The following RBFOX2 variants were observed in gnomAD, a reference collection of about 807,000 sequenced individuals.
RBFOX2 encodes RNA binding fox-1 homolog 2.
In RBFOX2, 10 loss-of-function variants were observed where a neutral mutation model predicts 49.1. The observed-to-expected ratio is 0.20, with a 90% CI of 0.13 to 0.35. The LOEUF (loss-of-function observed/expected upper bound fraction) is 0.35. Among genes scored for constraint, RBFOX2 ranks in the 10% least tolerant of loss-of-function variants. The probability of loss-of-function intolerance (pLI) is 1.00; values close to 1 mark genes in which losing one functional copy is unlikely to be tolerated. For missense variants in RBFOX2, 323 were observed against 486.9 expected (o/e 0.66, Z 3.17); for synonymous variants, 183 against 187.4 (o/e 0.98, Z 0.19).
intron 1 of RBFOX2, among the ~76,000 whole-genome samples, chr22:35,929,455 A>G (rs2052084931): frequency 6.6e-6 from 1 of 152,144 alleles, no homozygotes; most frequent in Non-Finnish European, 1.5e-5. Flanking sequence ...ATATCTACCA[A>G]CTGGTAAACA....
Position 35,966,935 on chromosome 22 carries a change from C to T in RBFOX2, c.187-28038G>A, listed in dbSNP as rs556639258. 6.6e-5 allele frequency among the ~76,000 whole-genome samples: 10 copies of T among 151,872 alleles called. No individual in the cohort carries two copies. In the South Asian group the frequency reaches 1.3e-3, roughly 19 times the overall value. ...TCAAGCAATCCTCCTTCCTCAGACT[C>T]TGGAGTAGTTGGAACAATAGGCACA... On this transcript the variant is annotated intron_variant, in intron 1 of 13. Coordinates refer to the RBFOX2 transcript ENST00000438146.
exon 1 of RBFOX2, among the ~76,000 whole-genome samples, chr22:36,028,645 C>T (rs1323589688): frequency 4.0e-5 from 6 of 149,406 alleles, no homozygotes; most frequent in Non-Finnish European, 8.9e-5. Flanking sequence ...GCCGGGTTGT[C>T]GGCGCGGGGC....
intron 1 of RBFOX2, among the ~76,000 whole-genome samples, chr22:36,012,663 T>C (rs989673431): frequency 6.6e-6 from 1 of 152,164 alleles, no homozygotes; most frequent in Non-Finnish European, 1.5e-5. Flanking sequence ...GCTTCAAATC[T>C]GGAGGGTGAC....
At chr22:35,942,627 G>A (rs1167799341), upstream of RBFOX2, among the ~76,000 whole-genome samples, 1 of 150,770 alleles carries the variant, frequency 6.6e-6, no homozygotes, top group Non-Finnish European at 1.5e-5. Context: ...GAACACTCAA[G>A]CAGAAATGGC....
At chr22:35,960,815 T>C (rs1001232718) in intron 1 of RBFOX2, among the ~76,000 whole-genome samples, 4 of 152,198 alleles carry the variant, frequency 2.6e-5, no homozygotes, top group Admixed American at 2.6e-4. Context: ...GTGTTAGGTA[T>C]TGAAAACGTT....
At chr22:36,003,778 T>C (rs2058519148) in intron 1 of RBFOX2, among the ~76,000 whole-genome samples, 1 of 152,202 alleles carries the variant, frequency 6.6e-6, no homozygotes. Flanking sequence ...TGGAGCTCCA[T>C]AAATGGTCAC....
chr22:35,760,832 T>A (rs1367598154), intron 8 of RBFOX2, among the ~76,000 whole-genome samples: 1 of 152,206 alleles, frequency 6.6e-6, no homozygotes, highest in African/African-American at 2.4e-5. Context: ...GAATAATCAA[T>A]AATACTGGAA....
At position 35,742,468 on chromosome 22, in the gene RBFOX2, G is replaced by T. The variant is rs1214641388; in HGVS notation, c.*1727C>A. The T allele has an allele frequency of 5.2e-5, 8 of 152,656 alleles. No individual in the cohort carries two copies. The South Asian group carries it at 1.7e-3, about 32-fold the overall frequency. The allele number at this position is 152,656 out of a possible 1,614,324, so 9.5% of individuals were successfully genotyped here. ...TGAGTCAGTTATCAGTCAAGAACATGTGTGGAGGCAGGAGTTAAAAACAAA... is the reference window on the plus strand; with the variant it reads ...TGAGTCAGTTATCAGTCAAGAACATTTGTGGAGGCAGGAGTTAAAAACAAA... On this transcript the variant is annotated 3_prime_UTR_variant, in exon 12 of 12. Coordinates refer to ENST00000405409, the Ensembl canonical transcript of RBFOX2.
At chr22:36,018,566 A>G (rs1036554287) in intron 1 of RBFOX2, among the ~76,000 whole-genome samples, 1 of 152,184 alleles carries the variant, frequency 6.6e-6, no homozygotes, top group Non-Finnish European at 1.5e-5. Context: ...CAATCCTGAG[A>G]AAAAACACAA....
chr22:35,811,338 A>G (rs1951827918), intron 1 of RBFOX2, among the ~76,000 whole-genome samples: 1 of 152,162 alleles, frequency 6.6e-6, no homozygotes. Flanking sequence ...TAAAAAGGTA[A>G]TTAAAGTGAT....
chr22:35,807,092 C>A (rs1019425827), intron 2 of RBFOX2, among the ~76,000 whole-genome samples: 2 of 152,202 alleles, frequency 1.3e-5, no homozygotes, highest in African/African-American at 4.8e-5. Context: ...GCGTGAGCCA[C>A]CCCACCTGGC....
chr22:35,840,412 T>TC, exon 1 of RBFOX2: 1 of 1,472,504 alleles, frequency 6.8e-7, no homozygotes, highest in Non-Finnish European at 8.9e-7. Flanking sequence ...TGGCAGTCTC[T>TC]CCCCCTCCTT....
At chr22:35,886,799 C>A (rs2149337276) in intron 1 of RBFOX2, among the ~76,000 whole-genome samples, 1 of 152,266 alleles carries the variant, frequency 6.6e-6, no homozygotes, top group African/African-American at 2.4e-5. Flanking sequence ...TGATGCAGTT[C>A]ATAGCTACCT....
chr22:35,897,409 A>C, intron 1 of RBFOX2: 2 of 944,644 alleles, frequency 2.1e-6, no homozygotes, highest in East Asian at 4.8e-5. Flanking sequence ...GGCAGGTGAG[A>C]CAAGGTCATG....
intron 1 of RBFOX2, among the ~76,000 whole-genome samples, chr22:35,846,259 A>C (rs928884680): frequency 6.7e-6 from 1 of 149,722 alleles, no homozygotes; most frequent in African/African-American, 2.4e-5. Context: ...ATGTAAGTAT[A>C]AACTATATAA....
At chr22:35,897,161 AT>A (rs1471440525) in intron 1 of RBFOX2, 4 of 577,522 alleles carry the variant, frequency 6.9e-6, no homozygotes, top group African/African-American at 1.9e-5. Flanking sequence ...GTGGGATCTT[AT>A]TCACTGTGTA....
At chr22:35,760,558 TTC>T (rs1399249644) in intron 8 of RBFOX2, among the ~76,000 whole-genome samples, 2 of 152,226 alleles carry the variant, frequency 1.3e-5, no homozygotes, top group African/African-American at 4.8e-5. Context: ...GTCAATTTCA[TTC>T]TTTTATTTAA....
intron 1 of RBFOX2, among the ~76,000 whole-genome samples, chr22:35,933,926 T>TTATATATATATATATA (rs3075245): frequency 1.7e-4 from 20 of 117,988 alleles, no homozygotes; most frequent in African/African-American, 6.3e-4. Flanking sequence ...TAATTAAATG[T>TTATATATATATATATA]TATATATATA....
At chr22:36,004,117 T>C (rs2058534409) in intron 1 of RBFOX2, among the ~76,000 whole-genome samples, 1 of 152,174 alleles carries the variant, frequency 6.6e-6, no homozygotes, top group Non-Finnish European at 1.5e-5. Flanking sequence ...TGAGAGTCAC[T>C]GAGTTAACCC....
Sources: allele counts gnomAD v4.1 joint callset (sites outside exome capture counted in the v4.1 genomes callset), GRCh38; gene constraint gnomAD v4.1.1; transcripts MANE v1.5; gene names NCBI Gene and HGNC (gene_info 2026-07-23, HGNC 2026-07-21).